Variants in BCAN observed in about 807,000 individuals in gnomAD.
BCAN encodes the protein brevican, also known as brevican core protein.
BCAN carries 51 observed loss-of-function variants against 92.4 expected under a neutral mutation model. The ratio of observed to expected loss-of-function variants is 0.55; its 90% CI spans 0.44 to 0.70. The LOEUF is 0.70. BCAN is among the 30% of genes least tolerant of loss of function. The probability of loss-of-function intolerance (pLI) is 0.00; values close to 1 mark genes in which losing one functional copy is unlikely to be tolerated. For missense variants in BCAN, 1,140 were observed against 1,212.1 expected, an observed-to-expected ratio of 0.94 and a Z score of 0.88; for synonymous variants, 501 against 505.2, an observed-to-expected ratio of 0.99 and a Z score of 0.11.
At chr1:156,646,383 A>T in intron 2 of BCAN, 2 of 514,784 alleles carry the variant, frequency 3.9e-6, no homozygotes, top group South Asian at 3.5e-5. Context: ...AGGATAGGGG[A>T]TCCTGAAGCT....
chr1:156,658,442 T>C lies in BCAN; in HGVS notation c.2438-101T>C. The C allele has an allele frequency of 6.7e-7, 1 of 1,486,376 alleles. No individual in the cohort carries two copies. Among genetic ancestry groups the C allele is most frequent in the Non-Finnish European group, 9.0e-7 (1 of 1,105,192 alleles). 92.1% of individuals were successfully genotyped at this position (1,486,376 alleles called of 1,614,324 possible). On this transcript the variant is annotated intron_variant, in intron 12 of 13. Transcript: ENST00000329117. This position sits in a 1 kb window ranked among gnomAD's most constrained non-coding sequence, Gnocchi z 4.4. The stretch of plus-strand genomic sequence containing the variant: ...GTGGGTCCACTCGGAATCCCTGATC[T>C]TTTTTTGTCATGTTGTGGCCCATTT...
At chr1:156,655,832 GC>G (rs1458470260) in intron 8 of BCAN, among the ~76,000 whole-genome samples, 3 of 152,200 alleles carry the variant, frequency 2.0e-5, no homozygotes, top group African/African-American at 7.2e-5. Context: ...ACAGAACTGT[GC>G]TGGGACCTGG....
rs553305305 is a variant in BCAN, at chr1:156,652,378, T to G, written c.1428T>G (p.Asp476Glu). ...EEEEEEEEVE[D>E]EALWAWPSEL... ...AAGAAGAAGAGGAGGAGGTGGAGGATGAGGCTCTGTGGGCATGGCCCAGCG... is the reference window on the plus strand; with the variant it reads ...AAGAAGAAGAGGAGGAGGTGGAGGAGGAGGCTCTGTGGGCATGGCCCAGCG... The change falls in exon 8 of 14, where the codon GAT becomes GAG. Residue 476 changes from aspartate (D) to glutamate (E), a missense_variant. By Grantham distance (45) the Asp-to-Glu change is conservative. This residue lies in a region of BCAN where 825 missense variants were observed against 871.8 expected (regional missense o/e 0.95). Transcript: ENST00000329117. The G allele has an allele frequency of 1.2e-6, 2 of 1,611,572 alleles. No homozygotes were observed. Among genetic ancestry groups the G allele is most frequent in the South Asian group, 2.2e-5 (2 of 90,788 alleles).
In BCAN at chr1:156,652,440, C is replaced by T. The variant is rs765643575; in HGVS notation, c.1490C>T (p.Thr497Ile). ...CCGGGCCCTGAGGCCTCTCTCCCCA[C>T]TGAGCCAGCAGCCCAGGAGGAGTCA... ...SSPGPEASLP[T>I]EPAAQEESLS... Residue 497 changes from threonine (T) to isoleucine (I), a missense_variant, in exon 8 of 14, where the codon ACT becomes ATT. This residue lies in a region of BCAN where 825 missense variants were observed against 871.8 expected (regional missense o/e 0.95). Transcript: ENST00000329117. 6 of 1,604,032 alleles carry T rather than the reference C, an allele frequency of 3.7e-6. No homozygotes were observed. Among genetic ancestry groups the T allele is most frequent in the African/African-American group, 1.3e-5 (1 of 74,636 alleles).
intron 6 of BCAN, among the ~76,000 whole-genome samples, chr1:156,650,125 GGTAGTAGTAGTA>G (rs376981111): frequency 5.9e-5 from 9 of 151,538 alleles, no homozygotes; most frequent in Non-Finnish European, 1.0e-4. Flanking sequence ...CTGGAACAGG[GGTAGTAGTAGTA>G]GTAGTAGTAG....
chr1:156,657,038 G>A lies in BCAN; in HGVS notation c.2151G>A (p.Arg717=), dbSNP rs1476347575. ...RSWEEAETQC[R]MYGAHLASIS... is the part of the protein sequence containing the mutation. Reference sequence around the variant, plus strand: ...GGGAGGAGGCAGAGACCCAGTGCCGGATGTACGGCGCGCATCTGGCCAGCA... The same window carrying A: ...GGGAGGAGGCAGAGACCCAGTGCCGAATGTACGGCGCGCATCTGGCCAGCA... Residue 717 remains arginine, a synonymous_variant, in exon 10 of 14, where the codon CGG becomes CGA. Transcript: ENST00000329117. 6 of 1,614,242 alleles carry A rather than the reference G, an allele frequency of 3.7e-6. No homozygotes were observed. The South Asian group carries it at 5.5e-5, about 15-fold the overall frequency.
chr1:156,653,978 G>C (rs1366456424), intron 8 of BCAN, among the ~76,000 whole-genome samples: 1 of 152,092 alleles, frequency 6.6e-6, no homozygotes, highest in Non-Finnish European at 1.5e-5. Flanking sequence ...CCCTAGCCCT[G>C]CATCTCAGCA....
At position 156,652,272 on chromosome 1, in the gene BCAN, C is replaced by T. The variant is rs761391980; in HGVS notation, c.1322C>T (p.Pro441Leu). 15 of 1,602,042 alleles carry T rather than the reference C, an allele frequency of 9.4e-6. No homozygotes were observed. Among genetic ancestry groups the T allele is most frequent in the South Asian group, 4.5e-5 (4 of 88,024 alleles). ...LLEFETQSMV[P>L]PTGFSEEEGK... is the part of the protein sequence containing the mutation. ...GAATTTGAAACACAATCCATGGTAC[C>T]GCCCACGGGGTTCTCAGAAGAGGAA... The change falls in exon 8 of 14, where the codon CCG becomes CTG. Residue 441 changes from proline to leucine, a missense_variant. Pro to Leu is a moderately conservative substitution (Grantham distance 98). Coordinates refer to ENST00000329117, the MANE Select transcript of BCAN (RefSeq NM_021948.5).
intron 1 of BCAN, among the ~76,000 whole-genome samples, chr1:156,645,410 C>T (rs1390855464): frequency 1.3e-5 from 2 of 152,096 alleles, no homozygotes; most frequent in Non-Finnish European, 2.9e-5. Context: ...GAGGAGTTTC[C>T]TTACAAATAA....
Position 156,658,916 on chromosome 1 carries a change from C to T in BCAN, c.2629-111C>T. On this transcript the variant is annotated intron_variant, in intron 13 of 13. Coordinates refer to ENST00000329117, the MANE Select transcript of BCAN (RefSeq NM_021948.5). This position sits in a 1 kb window ranked among gnomAD's most constrained non-coding sequence, Gnocchi z 4.4. ...TTCCTTCAGTGCTGATGTCTGATAA[C>T]ATGCAGCCCCATTCTGGGCTCTTAC... 1.5e-6 allele frequency: 2 copies of T among 1,300,006 alleles called. No individual in the cohort carries two copies. The highest frequency in any genetic ancestry group is 1.3e-5 in the South Asian group (1 of 78,326). 80.5% of individuals were successfully genotyped at this position (1,300,006 alleles called of 1,614,324 possible).
rs1383457329 is a variant in BCAN, at chr1:156,647,712, A to G, written c.641+30A>G. 2 of 1,563,618 alleles carry G rather than the reference A, an allele frequency of 1.3e-6. No homozygotes were observed. The highest frequency in any genetic ancestry group is 1.7e-6 in the Non-Finnish European group (2 of 1,152,632). On this transcript the variant is annotated intron_variant, in intron 4 of 13. Coordinates refer to ENST00000329117, the MANE Select transcript of BCAN (RefSeq NM_021948.5). This position sits in a 1 kb window ranked among gnomAD's most constrained non-coding sequence, Gnocchi z 4.8. The stretch of plus-strand genomic sequence containing the variant: ...GCAGGGGCTGTGGATTGGGGCTTCT[A>G]TTGGCCCCTGAGGTGGCCATGGCCC...
chr1:156,652,359 A>T lies in BCAN; in HGVS notation c.1409A>T (p.Glu470Val). Residue 470 changes from glutamate (E) to valine (V), a missense_variant, in exon 8 of 14, where the codon GAA (glutamate) becomes GTA (valine). By Grantham distance (121) the Glu-to-Val change is moderately radical. This residue lies in a region of BCAN where 825 missense variants were observed against 871.8 expected (regional missense o/e 0.95). Transcript: ENST00000329117. ...EDEEEKEEEE[E>V]EEEVEDEALW... ...GAAGAAGAGAAAGAGGAGGAAGAAG[A>T]AGAGGAGGAGGTGGAGGATGAGGCT... is the stretch of plus-strand genomic sequence containing the variant. The T allele has an allele frequency of 6.2e-7, 1 of 1,613,656 alleles. No individual in the cohort carries two copies. The highest frequency in any genetic ancestry group is 8.5e-7 in the Non-Finnish European group (1 of 1,179,722).
At position 156,647,023 on chromosome 1, in the gene BCAN, G is replaced by C. The variant is rs569977142; in HGVS notation, c.314G>C (p.Arg105Pro). 1 of 1,612,848 alleles carries C rather than the reference G, an allele frequency of 6.2e-7. No individual in the cohort carries two copies. The highest frequency in any genetic ancestry group is 1.1e-5 in the South Asian group (1 of 91,016). Residue 105 changes from arginine (R) to proline (P), a missense_variant, in exon 3 of 14, where the codon CGG becomes CCG. This residue lies in a region of BCAN where 286 missense variants were observed against 284.1 expected (regional missense o/e 1.01). Transcript: ENST00000329117. The surrounding 1 kb of genome is among the most constrained non-coding windows in gnomAD (Gnocchi z 4.8). ...GVRVKVNEAYRFRVALPAYPA... is the reference protein window; with the variant it reads ...GVRVKVNEAYPFRVALPAYPA... ...CGCGTCAAGGTGAACGAGGCCTACC[G>C]GTTCCGCGTGGCACTGCCTGCGTAC...
chr1:156,656,466 G>A (rs1021428315), intron 9 of BCAN, 77 bp downstream of exon 9: 48 of 1,176,112 alleles, frequency 4.1e-5, no homozygotes, highest in Non-Finnish European at 5.1e-5. Context: ...GGGGGAGGGA[G>A]AACATTGGTT....
At chr1:156,646,589 T>A in intron 2 of BCAN, 1 of 725,088 alleles carries the variant, frequency 1.4e-6, no homozygotes. Context: ...TGGGAGACTT[T>A]GGGGGATGGG....
Position 156,647,587 on chromosome 1 carries a change from T to C in BCAN, c.546T>C (p.Ile182=). ...FSGAQEACAR[I]GAHIATPEQL... ...GGGCCCAGGAGGCCTGTGCCCGCAT[T>C]GGAGCCCACATCGCCACCCCGGAGC... Residue 182 remains isoleucine (I), a synonymous_variant, in exon 4 of 14, where the codon ATT becomes ATC. Coordinates refer to ENST00000329117, the MANE Select transcript of BCAN (RefSeq NM_021948.5). This position sits in a 1 kb window ranked among gnomAD's most constrained non-coding sequence, Gnocchi z 4.8. 1 of 1,613,240 alleles carries C rather than the reference T, an allele frequency of 6.2e-7. No homozygotes were observed. Among genetic ancestry groups the C allele is most frequent in the Non-Finnish European group, 8.5e-7 (1 of 1,179,710 alleles).
intron 11 of BCAN, 137 bp from the exon 12 acceptor site, chr1:156,657,990 C>T (rs1679394078): frequency 1.9e-6 from 2 of 1,066,724 alleles, no homozygotes; most frequent in South Asian, 1.6e-5. Flanking sequence ...TCCCCTTCCC[C>T]GGGAGATCCC....
At chr1:156,653,215 C>G (rs957894458) in intron 8 of BCAN, 2 of 1,304,434 alleles carry the variant, frequency 1.5e-6, no homozygotes, top group South Asian at 4.9e-5. Flanking sequence ...TCCAAGGGTC[C>G]TCATCACCTA....
intron 1 of BCAN, chr1:156,643,307 A>G (rs896604249): frequency 3.3e-5 from 5 of 152,224 alleles, no homozygotes; most frequent in Non-Finnish European, 5.9e-5. Flanking sequence ...GTCATTGCTA[A>G]TAGTATTATT....
Sources: gnomAD v4.1 joint callset for allele counts (sites outside exome capture counted in the v4.1 genomes callset) on GRCh38, gnomAD v4.1.1 for gene constraint, gnomAD v4.1.1 regional missense constraint, Gnocchi (gnomAD v3.1) non-coding constraint, MANE v1.5 for transcripts, NCBI Gene and HGNC (gene_info 2026-07-23, HGNC 2026-07-21) for gene names.